The following CAST variants were observed in gnomAD, a reference collection of about 807,000 sequenced individuals.
CAST encodes the protein MIR583 host.
Under a neutral mutation model 119.6 loss-of-function variants are expected in CAST, and 76 were observed. The observed-to-expected ratio is 0.64, with a 90% CI of 0.53 to 0.77. The LOEUF (loss-of-function observed/expected upper bound fraction) is 0.77. CAST is among the 30% of genes least tolerant of loss of function. The pLI, the probability that CAST is intolerant of heterozygous loss-of-function variation, is 0.00. For synonymous variants in CAST, 319 were observed against 331.6 expected (o/e 0.96, Z 0.41); for missense variants, 953 against 946.5 (o/e 1.01, Z -0.09).
chr5:96,701,880 T>A (rs1753948559), intron 3 of CAST, among the ~76,000 whole-genome samples: 1 of 152,046 alleles, frequency 6.6e-6, no homozygotes, highest in Admixed American at 6.5e-5. Context: ...GAAGGGCTCT[T>A]ATTTCACTAG....
the CAST span, among the ~76,000 whole-genome samples, chr5:96,191,426 T>G: frequency 6.6e-6 from 1 of 152,204 alleles, no homozygotes; most frequent in Admixed American, 6.5e-5. Context: ...TGTCCCCATT[T>G]TACAGTTGAG....
At chr5:96,061,140 T>A in the CAST span, among the ~76,000 whole-genome samples, 1 of 152,060 alleles carries the variant, frequency 6.6e-6, no homozygotes, top group Non-Finnish European at 1.5e-5. Flanking sequence ...CTTCAACAAT[T>A]TTTGGAGGGG....
intron 1 of CAST, among the ~76,000 whole-genome samples, chr5:96,531,702 A>T (rs1310931200): frequency 6.6e-6 from 1 of 152,238 alleles, no homozygotes; most frequent in African/African-American, 2.4e-5. Flanking sequence ...ATGACACTGG[A>T]GGAAGTGAAA....
Position 96,750,598 on chromosome 5 carries a change from C to T in CAST, c.1440C>T (p.Ala480=), listed in dbSNP as rs369483856. Reference sequence around the variant, plus strand: ...GTGTCTTTCCTCAGGAATCTAAGGCCGCTGCTCCAGCTCCTGTGTCGGAGG... The same window carrying T: ...GTGTCTTTCCTCAGGAATCTAAGGCTGCTGCTCCAGCTCCTGTGTCGGAGG... ...KPTEKTEESK[A]AAPAPVSEAV... is the part of the protein sequence containing the mutation. The change falls in exon 20 of 32, where the codon GCC becomes GCT. Residue 480 remains alanine (A), a synonymous_variant. Coordinates refer to ENST00000675179, the MANE Select transcript of CAST (RefSeq NM_001750.7). 27 of 1,611,494 alleles carry T rather than the reference C, an allele frequency of 1.7e-5. No homozygotes were observed. Among genetic ancestry groups the T allele is most frequent in the Admixed American group, 8.3e-5 (5 of 59,932 alleles).
the CAST span, chr5:96,425,914 T>C: frequency 6.2e-7 from 1 of 1,608,852 alleles, no homozygotes; most frequent in Non-Finnish European, 8.5e-7. Flanking sequence ...TTCATACTGT[T>C]GTTCAGCCCA....
chr5:96,695,799 T>C, intron 2 of CAST, 37 bp from the exon 3 acceptor site: 1 of 1,422,020 alleles, frequency 7.0e-7, no homozygotes, highest in Non-Finnish European at 9.9e-7. Context: ...TGGTAAGGTG[T>C]TTTCCCCCAT....
intron 1 of CAST, among the ~76,000 whole-genome samples, chr5:96,556,683 A>C (rs1339054242): frequency 6.6e-6 from 1 of 152,160 alleles, no homozygotes. Context: ...GAAATGAACA[A>C]AGCCTCCAAG....
At chr5:96,532,849 CA>C (rs886567751) in intron 1 of CAST, among the ~76,000 whole-genome samples, 162 of 149,922 alleles carry the variant, frequency 1.1e-3, no homozygotes, top group African/African-American at 3.7e-3. Flanking sequence ...AACTCCATCT[CA>C]AAAAAAAATT....
the CAST span, among the ~76,000 whole-genome samples, chr5:96,114,616 T>C: frequency 6.6e-6 from 1 of 152,186 alleles, no homozygotes; most frequent in Non-Finnish European, 1.5e-5. Context: ...TTGAACCACA[T>C]GTTAAGAAAC....
intron 1 of CAST, among the ~76,000 whole-genome samples, chr5:96,594,457 G>A (rs912781682): frequency 1.3e-5 from 2 of 152,164 alleles, no homozygotes; most frequent in Admixed American, 6.5e-5. Flanking sequence ...ATGTAATTTC[G>A]ATGATTCTGC....
the CAST span, among the ~76,000 whole-genome samples, chr5:96,227,465 G>A: frequency 6.6e-6 from 1 of 152,282 alleles, no homozygotes; most frequent in South Asian, 2.1e-4. Flanking sequence ...AAAAATAGGT[G>A]CAGCTCCATC....
At chr5:96,271,002 A>T in the CAST span, among the ~76,000 whole-genome samples, 54 of 132,636 alleles carry the variant, frequency 4.1e-4, no homozygotes, top group East Asian at 6.4e-4. Context: ...AATAATATTT[A>T]AAAAAAATGA....
At chr5:96,232,986 C>G in the CAST span, among the ~76,000 whole-genome samples, 2 of 152,032 alleles carry the variant, frequency 1.3e-5, no homozygotes, top group African/African-American at 4.8e-5. Context: ...ATACTTATTA[C>G]AGCAGTGCTT....
chr5:96,599,590 A>G (rs935327436), intron 1 of CAST, among the ~76,000 whole-genome samples: 3 of 152,080 alleles, frequency 2.0e-5, no homozygotes, highest in Admixed American at 6.5e-5. Flanking sequence ...GAATGCCACT[A>G]CATCTACATT....
chr5:96,679,964 T>C (rs1751157037), intron 2 of CAST, among the ~76,000 whole-genome samples: 1 of 152,146 alleles, frequency 6.6e-6, no homozygotes, highest in Non-Finnish European at 1.5e-5. Context: ...TTTATAATTA[T>C]TATATATGCC....
At chr5:96,216,625 T>C in the CAST span, among the ~76,000 whole-genome samples, 1 of 152,230 alleles carries the variant, frequency 6.6e-6, no homozygotes, top group Non-Finnish European at 1.5e-5. Context: ...TACAAATGTT[T>C]CAATATTTCT....
the CAST span, among the ~76,000 whole-genome samples, chr5:96,138,619 T>C: frequency 1.3e-5 from 2 of 152,136 alleles, no homozygotes; most frequent in East Asian, 3.9e-4. Context: ...TATTTCTCCA[T>C]TTATTTAGAT....
chr5:96,063,895 AG>A, the CAST span, among the ~76,000 whole-genome samples: 3 of 152,246 alleles, frequency 2.0e-5, no homozygotes, highest in South Asian at 6.2e-4. Flanking sequence ...GCTGTTGTAA[AG>A]CTTTTGGAAC....
chr5:96,694,688 T>C (rs1355846591), intron 2 of CAST, among the ~76,000 whole-genome samples: 1 of 152,202 alleles, frequency 6.6e-6, no homozygotes, highest in Non-Finnish European at 1.5e-5. Context: ...CTTTGAAATA[T>C]AGATATTCAT....
Sources: allele counts gnomAD v4.1 joint callset (sites outside exome capture counted in the v4.1 genomes callset), GRCh38; gene constraint gnomAD v4.1.1; transcripts MANE v1.5; gene names NCBI Gene and HGNC (gene_info 2026-07-23, HGNC 2026-07-21).